The following PRORP variants were observed in gnomAD, a reference collection of about 807,000 sequenced individuals.
The protein encoded by PRORP is mitochondrial ribonuclease P catalytic subunit.
PRORP carries 51 observed loss-of-function variants against 59.4 expected under a neutral mutation model. That is an observed-to-expected ratio of 0.86 (90% CI 0.69 to 1.08). PRORP has a LOEUF of 1.08. PRORP is among the 50% of genes least tolerant of loss of function. PRORP has a pLI of 0.00. For synonymous variants in PRORP, 231 were observed against 245.6 expected (o/e 0.94, Z 0.55); for missense variants, 646 against 690.3 (o/e 0.94, Z 0.72).
At chr14:35,132,290 T>C (rs893468758) in intron 4 of PRORP, among the ~76,000 whole-genome samples, 1 of 149,372 alleles carries the variant, frequency 6.7e-6, no homozygotes, top group African/African-American at 2.5e-5. Flanking sequence ...AAACCCCGTC[T>C]CTACAAAATA....
intron 5 of PRORP, among the ~76,000 whole-genome samples, chr14:35,235,913 C>CA (rs879845901): frequency 1.3e-5 from 2 of 151,366 alleles, no homozygotes; most frequent in African/African-American, 2.4e-5. Flanking sequence ...AAAAAACAAA[C>CA]AAAAAAACAC....
intron 6 of PRORP, among the ~76,000 whole-genome samples, chr14:35,268,852 C>G (rs1422420445): frequency 6.6e-6 from 1 of 152,186 alleles, no homozygotes; most frequent in Non-Finnish European, 1.5e-5. Flanking sequence ...CCTCAGCCTC[C>G]CAAAGTGCTA....
intron 5 of PRORP, among the ~76,000 whole-genome samples, chr14:35,230,714 A>T (rs1291231719): frequency 6.6e-6 from 1 of 152,166 alleles, no homozygotes; most frequent in Non-Finnish European, 1.5e-5. Context: ...ACAGAATAGG[A>T]ATAGATGGTT....
Position 35,123,039 on chromosome 14 carries a change from T to C in PRORP, c.-207T>C. 1.7e-6 allele frequency: 1 copy of C among 574,274 alleles called. No individual in the cohort carries two copies. The highest frequency in any genetic ancestry group is 3.1e-6 in the Non-Finnish European group (1 of 326,966). 35.6% of individuals were successfully genotyped at this position (574,274 alleles called of 1,614,324 possible). On this transcript the variant is annotated 5_prime_UTR_variant, in exon 2 of 8. Transcript: ENST00000534898. ...TGCGACGTTGGACATCCCCGGATTG[T>C]TGTTTAATAGAGAAAACTCACCTGC...
chr14:35,203,123 A>T (rs925192731), intron 5 of PRORP, among the ~76,000 whole-genome samples: 1 of 152,208 alleles, frequency 6.6e-6, no homozygotes, highest in African/African-American at 2.4e-5. Context: ...AAAGAAAAGA[A>T]CTTACCCTTT....
chr14:35,266,634 G>A, intron 5 of PRORP, 93 bp from the exon 6 acceptor site: 1 of 1,307,598 alleles, frequency 7.6e-7, no homozygotes, highest in East Asian at 2.3e-5. Context: ...AGAAAAGAGT[G>A]CTTCACCATT....
chr14:35,203,688 C>T (rs1324067460), intron 5 of PRORP, among the ~76,000 whole-genome samples: 1 of 151,862 alleles, frequency 6.6e-6, no homozygotes, highest in Non-Finnish European at 1.5e-5. Flanking sequence ...CACAGTGAAA[C>T]CCCGTCTCTA....
chr14:35,264,419 G>A (rs929479818), intron 5 of PRORP, among the ~76,000 whole-genome samples: 1 of 151,706 alleles, frequency 6.6e-6, no homozygotes, highest in African/African-American at 2.4e-5. Context: ...ACCGTGCCTG[G>A]CCTAATTTTT....
chr14:35,267,863 T>C (rs1364821191), intron 6 of PRORP, among the ~76,000 whole-genome samples: 1 of 151,886 alleles, frequency 6.6e-6, no homozygotes, highest in Non-Finnish European at 1.5e-5. Flanking sequence ...CCAGTTGGGC[T>C]ATAATAGCAA....
intron 4 of PRORP, among the ~76,000 whole-genome samples, chr14:35,163,288 TA>T (rs1355764186): frequency 1.3e-5 from 2 of 152,228 alleles, no homozygotes; most frequent in Middle Eastern, 3.4e-3. Context: ...AATGTATACA[TA>T]AAAAAATTAT....
chr14:35,151,934 C>CTTTTTTTTTTTTT (rs11342103), intron 4 of PRORP, among the ~76,000 whole-genome samples: 2 of 124,836 alleles, frequency 1.6e-5, no homozygotes, highest in Non-Finnish European at 1.7e-5. Context: ...GTTAATCCAT[C>CTTTTTTTTTTTTT]TTTTTTTTTT....
rs529341370 is a variant in PRORP at position 35,270,545 on chromosome 14, A to T, written c.1569A>T (p.Gly523=). ...GCCTGTTTTTTAAGTGGCAGCAGGG[A>T]CATCAGCTGGCAATTGTAAATAGGT... ...TQRLFFKWQQ[G]HQLAIVNRFP... is the part of the protein sequence containing the mutation. The change falls in exon 7 of 8, where the codon GGA becomes GGT. Residue 523 remains glycine, a synonymous_variant. Coordinates refer to ENST00000534898, the MANE Select transcript of PRORP (RefSeq NM_014672.4). 4.3e-6 allele frequency: 7 copies of T among 1,614,066 alleles called. No individual in the cohort carries two copies. Among genetic ancestry groups the T allele is most frequent in the Non-Finnish European group, 5.9e-6 (7 of 1,180,046 alleles).
At chr14:35,242,654 A>T (rs2138551091) in intron 5 of PRORP, among the ~76,000 whole-genome samples, 1 of 152,320 alleles carries the variant, frequency 6.6e-6, no homozygotes, top group African/African-American at 2.4e-5. Context: ...TTACATTTTC[A>T]TCTATCTAGC....
chr14:35,169,685 G>A (rs989230112), intron 4 of PRORP, among the ~76,000 whole-genome samples: 4 of 148,802 alleles, frequency 2.7e-5, no homozygotes, highest in African/African-American at 1.0e-4. Flanking sequence ...TTTTTACCAG[G>A]TCTTCCCTTC....
intron 5 of PRORP, among the ~76,000 whole-genome samples, chr14:35,244,724 C>A (rs1357927466): frequency 6.6e-6 from 1 of 152,008 alleles, no homozygotes; most frequent in African/African-American, 2.4e-5. Flanking sequence ...ACCTTTGTAC[C>A]CACCAGTTGG....
rs956113435 is a variant in PRORP, at chr14:35,147,369, G to C, written c.1167+19758G>C. ...AATTTCTTTATTTTTTTGAGACAGG[G>C]TCTCACTCTGTCACCCAGGCTGGAG... On this transcript the variant is annotated intron_variant, in intron 4 of 7. Transcript: ENST00000534898. 2.0e-5 allele frequency among the ~76,000 whole-genome samples: 3 copies of C among 152,172 alleles called. No homozygotes were observed. In the East Asian group the frequency reaches 5.8e-4, roughly 29 times the overall value.
At chr14:35,151,956 A>C (rs923765785) in intron 4 of PRORP, among the ~76,000 whole-genome samples, 1 of 58,978 alleles carries the variant, frequency 1.7e-5, no homozygotes, top group Admixed American at 2.0e-4. Context: ...TTTTTTATTG[A>C]TCATTCTTGG....
intron 5 of PRORP, among the ~76,000 whole-genome samples, chr14:35,241,600 A>C (rs771014015): frequency 2.6e-5 from 4 of 152,118 alleles, no homozygotes; most frequent in Non-Finnish European, 5.9e-5. Context: ...GTTCTTTCTG[A>C]AATGGAAATC....
At chr14:35,165,394 G>A (rs2048159048) in intron 4 of PRORP, among the ~76,000 whole-genome samples, 2 of 152,116 alleles carry the variant, frequency 1.3e-5, no homozygotes, top group South Asian at 4.1e-4. Flanking sequence ...ACTTTTCTAT[G>A]CTTTATTCTC....
Sources: allele counts gnomAD v4.1 joint callset (sites outside exome capture counted in the v4.1 genomes callset), GRCh38; gene constraint gnomAD v4.1.1; transcripts MANE v1.5; gene names NCBI Gene and HGNC (gene_info 2026-07-23, HGNC 2026-07-21).